Variants in C8orf34 observed in about 807,000 individuals in gnomAD.
C8orf34 encodes the protein chromosome 8 open reading frame 34, also known as uncharacterized protein C8orf34.
A neutral mutation model predicts 68.3 loss-of-function variants in C8orf34; 65 were observed. The ratio of observed to expected loss-of-function variants is 0.95; its 90% CI spans 0.78 to 1.17. The LOEUF (loss-of-function observed/expected upper bound fraction) is 1.17, where lower values mean the gene tolerates loss of function less well. Among genes scored for constraint, C8orf34 ranks in the 50% most tolerant of loss-of-function variants. The pLI is 0.00. For synonymous variants in C8orf34, 244 were observed against 241.2 expected (o/e 1.01, Z -0.11); for missense variants, 664 against 655.4 (o/e 1.01, Z -0.14).
chr8:68,626,371 T>A (rs972096479), intron 7 of C8orf34, among the ~76,000 whole-genome samples: 8 of 152,178 alleles, frequency 5.3e-5, no homozygotes, highest in Non-Finnish European at 1.0e-4. Flanking sequence ...GTCAATTTAG[T>A]TTTGTGCATT....
At chr8:68,603,167 A>C (rs554304932) in intron 7 of C8orf34, among the ~76,000 whole-genome samples, 6 of 152,164 alleles carry the variant, frequency 3.9e-5, no homozygotes, top group Admixed American at 2.0e-4. Context: ...TTGCAAGAAG[A>C]AGCACCTGGG....
intron 1 of C8orf34, among the ~76,000 whole-genome samples, chr8:68,395,357 TCTCTCA>T (rs1413058940): frequency 7.3e-5 from 10 of 137,908 alleles, no homozygotes; most frequent in Non-Finnish European, 1.3e-4. Flanking sequence ...TCTCTGTGTG[TCTCTCA>T]CACACACACA....
At chr8:68,742,185 C>T (rs1324835167) in intron 10 of C8orf34, among the ~76,000 whole-genome samples, 1 of 152,200 alleles carries the variant, frequency 6.6e-6, no homozygotes, top group Admixed American at 6.5e-5. Context: ...GGCCCTAAGC[C>T]ATTGCCTCCT....
intron 8 of C8orf34, 64 bp from the exon 9 acceptor site, chr8:68,708,930 G>C: frequency 8.7e-7 from 1 of 1,153,816 alleles, no homozygotes; most frequent in Non-Finnish European, 1.3e-6. Context: ...CCCCCATGGT[G>C]CATAGTTCAC....
intron 10 of C8orf34, among the ~76,000 whole-genome samples, chr8:68,740,356 C>T (rs914872245): frequency 1.3e-5 from 2 of 151,996 alleles, no homozygotes; most frequent in Non-Finnish European, 2.9e-5. Context: ...ATGTATCTGA[C>T]AAAGGTCTAA....
intron 7 of C8orf34, among the ~76,000 whole-genome samples, chr8:68,592,406 G>A (rs1235647562): frequency 2.0e-5 from 3 of 151,830 alleles, no homozygotes; most frequent in Non-Finnish European, 4.4e-5. Context: ...CTTTTATTGT[G>A]ATTGTATCTT....
intron 10 of C8orf34, among the ~76,000 whole-genome samples, chr8:68,765,272 C>T (rs900694978): frequency 2.0e-5 from 3 of 152,188 alleles, no homozygotes; most frequent in Admixed American, 1.3e-4. Flanking sequence ...GCCCAATGTG[C>T]GTAAGCATAA....
chr8:68,493,988 C>A (rs1813418144), intron 5 of C8orf34, among the ~76,000 whole-genome samples: 1 of 152,102 alleles, frequency 6.6e-6, no homozygotes, highest in Admixed American at 6.5e-5. Context: ...AACTAAGATA[C>A]CATATTATGA....
At chr8:68,696,513 T>C (rs1354975261) in intron 8 of C8orf34, among the ~76,000 whole-genome samples, 1 of 151,688 alleles carries the variant, frequency 6.6e-6, no homozygotes, top group Non-Finnish European at 1.5e-5. Context: ...CTACTTCAGA[T>C]AAATTCCTCA....
chr8:68,410,418 G>A (rs1809396167), intron 1 of C8orf34, among the ~76,000 whole-genome samples: 1 of 152,094 alleles, frequency 6.6e-6, no homozygotes, highest in South Asian at 2.1e-4. Flanking sequence ...CATTGTATTA[G>A]CCATTACAAG....
intron 8 of C8orf34, among the ~76,000 whole-genome samples, chr8:68,652,353 C>T (rs1819387728): frequency 6.6e-6 from 1 of 152,154 alleles, no homozygotes; most frequent in Non-Finnish European, 1.5e-5. Context: ...TATTTTCTCA[C>T]ATTCTGAGGG....
At chr8:68,496,569 A>G (rs1034695263) in intron 5 of C8orf34, among the ~76,000 whole-genome samples, 2 of 152,180 alleles carry the variant, frequency 1.3e-5, no homozygotes, top group African/African-American at 2.4e-5. Flanking sequence ...TCAGCTGTAG[A>G]CAGTGTGCCA....
chr8:68,588,766 G>A (rs1817280671), intron 7 of C8orf34, among the ~76,000 whole-genome samples: 4 of 152,028 alleles, frequency 2.6e-5, no homozygotes, highest in South Asian at 4.1e-4. Context: ...GTAAAATATC[G>A]ATCCCATCTC....
At chr8:68,401,256 C>G (rs539847700) in intron 1 of C8orf34, among the ~76,000 whole-genome samples, 201 of 151,876 alleles carry the variant, frequency 1.3e-3, no homozygotes, top group Middle Eastern at 6.8e-3. Context: ...ATGTATTCAT[C>G]AAAACTAAGA....
At chr8:68,340,050 T>C (rs1193240654) in intron 1 of C8orf34, among the ~76,000 whole-genome samples, 4 of 152,012 alleles carry the variant, frequency 2.6e-5, no homozygotes, top group Admixed American at 2.6e-4. Context: ...ATTAGGGAAA[T>C]ATAGCTAAAC....
At chr8:68,474,157 T>G (rs1191492701) in intron 4 of C8orf34, among the ~76,000 whole-genome samples, 1 of 152,168 alleles carries the variant, frequency 6.6e-6, no homozygotes, top group Non-Finnish European at 1.5e-5. Flanking sequence ...CATCCACACC[T>G]TTTATGTGTT....
chr8:68,470,620 T>A (rs908070895), intron 4 of C8orf34, among the ~76,000 whole-genome samples: 3 of 152,096 alleles, frequency 2.0e-5, no homozygotes, highest in African/African-American at 7.2e-5. Flanking sequence ...GAGTGACTTA[T>A]TAACAACAGA....
At chr8:68,496,659 A>G (rs1335472126) in intron 5 of C8orf34, among the ~76,000 whole-genome samples, 1 of 152,160 alleles carries the variant, frequency 6.6e-6, no homozygotes, top group African/African-American at 2.4e-5. Flanking sequence ...TCCAAGTAAG[A>G]ATGTCTTTTC....
At chr8:68,739,916 A>G (rs1037028163) in intron 10 of C8orf34, among the ~76,000 whole-genome samples, 5 of 152,158 alleles carry the variant, frequency 3.3e-5, no homozygotes, top group Admixed American at 6.6e-5. Context: ...AAACAGACAC[A>G]TAGACCAGAA....
Sources: allele counts gnomAD v4.1 joint callset (sites outside exome capture counted in the v4.1 genomes callset), GRCh38; gene constraint gnomAD v4.1.1; transcripts MANE v1.5; gene names NCBI Gene and HGNC (gene_info 2026-07-23, HGNC 2026-07-21).